LRP2: variants seen among roughly 807,000 people sequenced by gnomAD.
LRP2 encodes the protein low-density lipoprotein receptor-related protein 2.
LRP2 carries 172 observed loss-of-function variants against 531.0 expected under a neutral mutation model. The observed-to-expected ratio is 0.32, with a 90% CI of 0.29 to 0.37. The LOEUF is 0.37. Among genes scored for constraint, LRP2 ranks in the 10% least tolerant of loss-of-function variants. The pLI is 1.00. For synonymous variants in LRP2, 1,992 were observed against 2,027.6 expected (o/e 0.98, Z 0.47); for missense variants, 5,167 against 5,868.3 (o/e 0.88, Z 3.90).
rs770955479 is a variant in LRP2 at position 169,206,155 on chromosome 2, C to A, written c.7424G>T (p.Trp2475Leu). ...ACTGTAATAAATTCTTCTAGTAATC[C>A]AGTCAAAGGCAATGCCATCAGCAGT... is the stretch of plus-strand genomic sequence containing the variant. ...IGTADGIAFD[W>L]ITRRIYYSDY... The change falls in exon 40 of 79, where the codon TGG (tryptophan) becomes TTG (leucine). Residue 2475 changes from tryptophan to leucine, a missense_variant. Trp to Leu is a moderately conservative substitution (Grantham distance 61). Coordinates refer to ENST00000649046, the MANE Select transcript of LRP2 (RefSeq NM_004525.3). 1 of 1,614,164 alleles carries A rather than the reference C, an allele frequency of 6.2e-7. No homozygotes were observed. The highest frequency in any genetic ancestry group is 8.5e-7 in the Non-Finnish European group (1 of 1,180,022).
chr2:169,174,005 G>C lies in LRP2; in HGVS notation c.10928C>G (p.Ala3643Gly), dbSNP rs1342176171. 1.2e-6 allele frequency: 2 copies of C among 1,614,200 alleles called. No homozygotes were observed. The highest frequency in any genetic ancestry group is 1.7e-6 in the Non-Finnish European group (2 of 1,180,030). The change falls in exon 56 of 79, where the codon GCT (alanine) becomes GGT (glycine). Residue 3643 changes from alanine (A) to glycine (G), a missense_variant. By Grantham distance (60) the Ala-to-Gly change is moderately conservative. Around this residue, in one of 6 missense-constraint regions of LRP2, gnomAD observed 311 missense variants for 309.4 expected, o/e 1.01. Transcript: ENST00000649046. ...GGCCTGCGGGATGCAGCGGCCATTA[G>C]CACACCGAAACTGGCCCGGCCGGCA... is the stretch of plus-strand genomic sequence containing the variant. ...RTCRPGQFRC[A>G]NGRCIPQAWK...
At chr2:169,261,865 A>T (rs1243038893) in intron 16 of LRP2, among the ~76,000 whole-genome samples, 2 of 151,948 alleles carry the variant, frequency 1.3e-5, no homozygotes, top group Admixed American at 6.6e-5. Flanking sequence ...GGCAAACCGA[A>T]TCCAGCAGCA....
intron 7 of LRP2, 106 bp from the exon 8 acceptor site, chr2:169,291,103 C>T: frequency 1.0e-6 from 1 of 955,320 alleles, no homozygotes; most frequent in Non-Finnish European, 1.6e-6. Flanking sequence ...CAAGAGAAAT[C>T]TATAAATGAT....
intron 4 of LRP2, among the ~76,000 whole-genome samples, 173 bp downstream of exon 4, chr2:169,307,108 T>G (rs1284571272): frequency 6.6e-6 from 1 of 152,182 alleles, no homozygotes; most frequent in Non-Finnish European, 1.5e-5. Flanking sequence ...TTGTTAAAAA[T>G]AGACTCTTAT....
In LRP2 at chr2:169,226,488, C is replaced by G; in HGVS notation, c.5328G>C (p.Gly1776=). 1 of 1,612,998 alleles carries G rather than the reference C, an allele frequency of 6.2e-7. No homozygotes were observed. The highest frequency in any genetic ancestry group is 8.5e-7 in the Non-Finnish European group (1 of 1,179,092). The change falls in exon 32 of 79, where the codon GGG becomes GGC. Residue 1776 remains glycine (G), a synonymous_variant. Transcript: ENST00000649046. ...ATTCAACATCTAAACCATTCTGTAT[C>G]CCTGCTATGGGGACCATAGCATCAT... The part of the protein sequence containing the change: ...KSNDAMVPIA[G]IQNGLDVEFD...
chr2:169,346,702 A>T (rs1378391272), intron 1 of LRP2, among the ~76,000 whole-genome samples: 1 of 152,134 alleles, frequency 6.6e-6, no homozygotes, highest in African/African-American at 2.4e-5. Flanking sequence ...GAAAAACAGG[A>T]TTCCCTATTA....
intron 50 of LRP2, 81 bp from the exon 51 acceptor site, chr2:169,182,400 G>A: frequency 6.3e-7 from 1 of 1,597,934 alleles, no homozygotes; most frequent in Non-Finnish European, 8.5e-7. Context: ...TCCTACCCAA[G>A]CTACCTGAGA....
In LRP2 at chr2:169,256,188, G is replaced by C. The variant is rs1306828984; in HGVS notation, c.2688C>G (p.His896Gln). 54 of 1,612,674 alleles carry C rather than the reference G, an allele frequency of 3.3e-5. No individual in the cohort carries two copies. The highest frequency in any genetic ancestry group is 4.5e-5 in the Non-Finnish European group (53 of 1,179,082). The change falls in exon 19 of 79, where the codon CAC becomes CAG. Residue 896 changes from histidine to glutamine, a missense_variant. Transcript: ENST00000649046. ...WVDAYFDKIE[H>Q]STFDGLDRRR... ...TTCTGTCTAAACCATCAAAGGTGCT[G>C]TGCTCAATTTTATCAAAATAGGCAT... is the stretch of plus-strand genomic sequence containing the variant.
intron 3 of LRP2, among the ~76,000 whole-genome samples, chr2:169,314,238 G>A (rs3845730): frequency 0.42 from 61,777 of 148,072 alleles, 13,251 homozygotes; most frequent in African/African-American, 0.57. Flanking sequence ...TATCTTAAAA[G>A]AAAAAAAAAA....
intron 70 of LRP2, among the ~76,000 whole-genome samples, chr2:169,143,077 G>T (rs887261709): frequency 2.8e-4 from 43 of 152,026 alleles, no homozygotes; most frequent in African/African-American, 1.0e-3. Context: ...TTGGAAGGTG[G>T]GTATCTGGTT....
At chr2:169,132,712 T>C in intron 76 of LRP2, 31 bp from the exon 77 acceptor site, 1 of 1,031,482 alleles carries the variant, frequency 9.7e-7, no homozygotes, top group Non-Finnish European at 1.5e-6. Flanking sequence ...TTTACCCAAT[T>C]TTGAAAGAAT....
intron 69 of LRP2, 59 bp from the exon 70 acceptor site, chr2:169,145,982 C>T (rs2105347351): frequency 6.9e-7 from 1 of 1,440,202 alleles, no homozygotes; most frequent in Non-Finnish European, 9.7e-7. Flanking sequence ...ATACCCACTA[C>T]ACCCTACCGC....
intron 1 of LRP2, among the ~76,000 whole-genome samples, chr2:169,351,988 G>C (rs541272712): frequency 1.3e-5 from 2 of 152,306 alleles, no homozygotes; most frequent in Non-Finnish European, 2.9e-5. Flanking sequence ...CAAACTGTAA[G>C]TCCCAATGAG....
intron 1 of LRP2, among the ~76,000 whole-genome samples, chr2:169,330,818 C>T (rs1685244182): frequency 6.6e-6 from 1 of 151,168 alleles, no homozygotes. Context: ...AGTCAGAGCT[C>T]AAAATTATCT....
At chr2:169,130,561 C>T (rs1345511789) in intron 77 of LRP2, among the ~76,000 whole-genome samples, 1 of 152,200 alleles carries the variant, frequency 6.6e-6, no homozygotes, top group Non-Finnish European at 1.5e-5. Context: ...GCTGGGATTA[C>T]AGGTGTGAGC....
chr2:169,296,327 T>C (rs1167742327), intron 4 of LRP2, among the ~76,000 whole-genome samples: 1 of 152,130 alleles, frequency 6.6e-6, no homozygotes, highest in African/African-American at 2.4e-5. Context: ...TGAATTTTAT[T>C]TTGTTTTTTA....
chr2:169,327,594 A>G (rs1574261592), intron 1 of LRP2, among the ~76,000 whole-genome samples: 2 of 112,134 alleles, frequency 1.8e-5, no homozygotes, highest in African/African-American at 3.5e-5. Context: ...GCCTCTGCCC[A>G]GCTGCCCCTA....
At chr2:169,286,536 C>G (rs1189503470) in intron 9 of LRP2, among the ~76,000 whole-genome samples, 1 of 152,190 alleles carries the variant, frequency 6.6e-6, no homozygotes, top group Admixed American at 6.5e-5. Context: ...GTTATGACAG[C>G]CTTTCGCTTT....
At chr2:169,281,106 A>G (rs1683691292) in intron 10 of LRP2, among the ~76,000 whole-genome samples, 1 of 152,176 alleles carries the variant, frequency 6.6e-6, no homozygotes, top group Non-Finnish European at 1.5e-5. Flanking sequence ...AACATAAAAG[A>G]AGGAATATTA....
Sources: allele counts gnomAD v4.1 joint callset (sites outside exome capture counted in the v4.1 genomes callset), GRCh38; gene constraint gnomAD v4.1.1; regional missense constraint gnomAD v4.1.1; transcripts MANE v1.5; gene names NCBI Gene and HGNC (gene_info 2026-07-23, HGNC 2026-07-21).